ARGFX: variants seen among roughly 807,000 people sequenced by gnomAD.
ARGFX encodes arginine-fifty homeobox.
In ARGFX, 10 loss-of-function variants were observed where a neutral mutation model predicts 8.0. The ratio of observed to expected loss-of-function variants is 1.25; its 90% CI spans 0.77 to 2.12. ARGFX has a LOEUF of 2.12. Ranked by LOEUF, ARGFX falls within the 30% of genes most tolerant of loss-of-function variation. The pLI is 0.00. For synonymous variants in ARGFX, 116 were observed against 117.8 expected (o/e 0.98, Z 0.10); for missense variants, 282 against 324.3 (o/e 0.87, Z 1.00).
Position 121,584,916 on chromosome 3 carries a change from G to A in ARGFX, c.221-1G>A. The A allele has an allele frequency of 6.2e-7, 1 of 1,611,564 alleles. No individual in the cohort carries two copies. ...ACCCCTTCTTTATCTCTGCCCTGAAGCAATACGGAGAAGGCATAAAGAACG... is the reference window on the plus strand; with the variant it reads ...ACCCCTTCTTTATCTCTGCCCTGAAACAATACGGAGAAGGCATAAAGAACG... On this transcript the variant is annotated splice_acceptor_variant, in intron 3 of 4. Transcript: ENST00000334384. LOFTEE classifies it high-confidence loss of function.
At chr3:121,570,043 C>A (rs9810670) in intron 1 of ARGFX, among the ~76,000 whole-genome samples, 79,726 of 152,048 alleles carry the variant, frequency 0.52, 21,581 homozygotes, top group East Asian at 0.68. Flanking sequence ...TGCTTTCAAT[C>A]TTCATATATA....
intron 2 of ARGFX, among the ~76,000 whole-genome samples, chr3:121,571,859 G>A (rs945452252): frequency 2.0e-5 from 3 of 150,140 alleles, no homozygotes; most frequent in South Asian, 4.2e-4. Flanking sequence ...TGGAGTTTCC[G>A]CTCTTGTTGC....
intron 2 of ARGFX, among the ~76,000 whole-genome samples, chr3:121,575,305 C>T (rs1211432469): frequency 2.7e-5 from 4 of 147,520 alleles, no homozygotes; most frequent in African/African-American, 5.0e-5. Context: ...GGCGACAGAG[C>T]GAGACTCCAT....
intron 3 of ARGFX, among the ~76,000 whole-genome samples, chr3:121,578,344 C>T (rs2108836831): frequency 6.6e-6 from 1 of 152,160 alleles, no homozygotes; most frequent in Middle Eastern, 3.4e-3. Flanking sequence ...TCAGGCTGAT[C>T]TCGAACTCCT....
At chr3:121,578,731 C>T (rs1480836452) in intron 3 of ARGFX, among the ~76,000 whole-genome samples, 2 of 148,384 alleles carry the variant, frequency 1.3e-5, no homozygotes, top group Non-Finnish European at 3.0e-5. Context: ...AGGGCAGGGG[C>T]GCGATCTCGG....
At position 121,570,752 on chromosome 3, in the gene ARGFX, C is replaced by G; in HGVS notation, c.39C>G (p.Asp13Glu). The change falls in exon 2 of 5, where the codon GAC becomes GAG. Residue 13 changes from aspartate (D) to glutamate (E), a missense_variant. By Grantham distance (45) the Asp-to-Glu change is conservative. Transcript: ENST00000334384. ...NRMAPENPQP[D>E]PFINRNYSNM... ...TGGCCCCAGAGAATCCCCAGCCAGA[C>G]CCTTTCATCAATAGGAATTATTCCA... 6.2e-7 allele frequency: 1 copy of G among 1,610,508 alleles called. No homozygotes were observed. The highest frequency in any genetic ancestry group is 1.1e-5 in the South Asian group (1 of 90,168).
rs1441990845 is a variant in ARGFX, at chr3:121,588,509, TAAAAG to T, written c.*1913_*1917del. Among the ~76,000 whole-genome samples, 2 of 148,910 alleles carry T rather than the reference TAAAAG, an allele frequency of 1.3e-5. No homozygotes were observed. Among genetic ancestry groups the T allele is most frequent in the Non-Finnish European group, 3.0e-5 (2 of 67,018 alleles). On this transcript the variant is annotated 3_prime_UTR_variant, in exon 5 of 5. Transcript: ENST00000334384. ...AAAATAAAAAATAAAAAATAAAAAA[TAAAAG>T]AAACATAAGATAAGTACCTCTCAAT...
chr3:121,584,042 G>T (rs953947681), intron 3 of ARGFX, among the ~76,000 whole-genome samples: 4 of 152,052 alleles, frequency 2.6e-5, no homozygotes, highest in African/African-American at 9.7e-5. Flanking sequence ...TAGCCAGGAG[G>T]GGTGATAGTG....
At chr3:121,580,841 T>C (rs1010922248) in intron 3 of ARGFX, among the ~76,000 whole-genome samples, 4 of 152,004 alleles carry the variant, frequency 2.6e-5, no homozygotes, top group Non-Finnish European at 5.9e-5. Context: ...AGCAAGCTAA[T>C]GATTCAAAAG....
chr3:121,575,318 CAAAAAAA>C (rs1211484513), intron 2 of ARGFX, among the ~76,000 whole-genome samples: 2 of 101,878 alleles, frequency 2.0e-5, no homozygotes, highest in African/African-American at 7.5e-5. Flanking sequence ...GACTCCATTT[CAAAAAAA>C]AAAAAAAGAA....
intron 1 of ARGFX, among the ~76,000 whole-genome samples, chr3:121,570,186 A>C (rs1001212735): frequency 1.3e-5 from 2 of 152,244 alleles, no homozygotes; most frequent in African/African-American, 4.8e-5. Flanking sequence ...TCCACAGAAC[A>C]GGACTACTGG....
At chr3:121,576,707 T>TTTTCTTTCTTTC (rs200520122) in intron 2 of ARGFX, 77 bp from the exon 3 acceptor site, 12,135 of 248,622 alleles carry the variant, frequency 0.049, 347 homozygotes, top group Non-Finnish European at 0.061. Context: ...CTTTCTTTCT[T>TTTTCTTTCTTTC]TTTCTTTCTT....
intron 2 of ARGFX, among the ~76,000 whole-genome samples, chr3:121,572,954 AATG>A (rs1388830229): frequency 1.3e-5 from 2 of 152,232 alleles, no homozygotes; most frequent in African/African-American, 4.8e-5. Context: ...CATGTGAAAG[AATG>A]ATGCTGGATC....
In ARGFX at chr3:121,587,272, G is replaced by A. The variant is rs1180142286; in HGVS notation, c.*672G>A. ...TCACCACGTTGCCCAGGCTGGTCTT[G>A]AACTCCTGACCTCCAGTGATCCGCC... is the stretch of plus-strand genomic sequence containing the variant. On this transcript the variant is annotated 3_prime_UTR_variant, in exon 5 of 5. Coordinates refer to ENST00000334384, the MANE Select transcript of ARGFX (RefSeq NM_001012659.2). Among the ~76,000 whole-genome samples the A allele has an allele frequency of 1.3e-5, 2 of 151,860 alleles. No homozygotes were observed. Among genetic ancestry groups the A allele is most frequent in the Non-Finnish European group, 2.9e-5 (2 of 67,992 alleles).
rs1576442692 is a variant in ARGFX, at chr3:121,578,318, G to A, written c.220+1418G>A. 4.6e-5 allele frequency among the ~76,000 whole-genome samples: 7 copies of A among 151,930 alleles called. No individual in the cohort carries two copies. In the South Asian group the frequency reaches 1.5e-3, roughly 32 times the overall value. The stretch of plus-strand genomic sequence containing the variant: ...AATTTTGTATTTTTAGTAGAGATGG[G>A]GTTTCTCCATGTTCGTCAGGCTGAT... On this transcript the variant is annotated intron_variant, in intron 3 of 4. Transcript: ENST00000334384.
chr3:121,576,707 T>TTTTCTTTCTTTCTTTCTTTCGTTC (rs2048738942), intron 2 of ARGFX, 77 bp from the exon 3 acceptor site: 2 of 246,626 alleles, frequency 8.1e-6, no homozygotes, highest in African/African-American at 5.3e-5. Flanking sequence ...CTTTCTTTCT[T>TTTTCTTTCTTTCTTTCTTTCGTTC]TTTCTTTCTT....
intron 3 of ARGFX, among the ~76,000 whole-genome samples, chr3:121,581,986 G>A (rs1169444675): frequency 6.6e-6 from 1 of 152,114 alleles, no homozygotes; most frequent in Non-Finnish European, 1.5e-5. Context: ...CTACTGTATT[G>A]AACAGAACAG....
intron 2 of ARGFX, among the ~76,000 whole-genome samples, chr3:121,572,549 G>T (rs138408059): frequency 6.6e-6 from 1 of 152,026 alleles, no homozygotes; most frequent in East Asian, 1.9e-4. Context: ...GCCCGGCCAG[G>T]CTTAATATTA....
At chr3:121,576,401 T>C (rs1043074630) in intron 2 of ARGFX, among the ~76,000 whole-genome samples, 2 of 152,228 alleles carry the variant, frequency 1.3e-5, no homozygotes, top group Admixed American at 6.6e-5. Context: ...TGCAGTAGTG[T>C]GATCTCGACT....
Sources: gnomAD v4.1 joint callset for allele counts (sites outside exome capture counted in the v4.1 genomes callset) on GRCh38, gnomAD v4.1.1 for gene constraint, MANE v1.5 for transcripts, NCBI Gene and HGNC (gene_info 2026-07-23, HGNC 2026-07-21) for gene names.